Variants in GPC5 observed in about 807,000 individuals in gnomAD.
The protein encoded by GPC5 is glypican 5.
Under a neutral mutation model 53.9 loss-of-function variants are expected in GPC5, and 47 were observed. The observed-to-expected ratio is 0.87, with a 90% CI of 0.69 to 1.11. The LOEUF is 1.11. GPC5 is among the 50% of genes most tolerant of loss of function. GPC5 has a pLI of 0.00. For synonymous variants in GPC5, 286 were observed against 263.3 expected (o/e 1.09, Z -0.84); for missense variants, 748 against 713.1 (o/e 1.05, Z -0.56).
At chr13:92,285,923 C>CA (rs139576817) in intron 7 of GPC5, among the ~76,000 whole-genome samples, 8,122 of 150,414 alleles carry the variant, frequency 0.054, 701 homozygotes, top group African/African-American at 0.19. Flanking sequence ...TTCTGCACAG[C>CA]AAAAAAAAAC....
rs1002659557 is a variant in GPC5, at chr13:91,559,012, A to G, written c.325+110090A>G. ...GTGAACACTTACTGGTCAAATTACTATGAGGGTTTTTGTCTTCTGATTGGA... is the reference window on the plus strand; with the variant it reads ...GTGAACACTTACTGGTCAAATTACTGTGAGGGTTTTTGTCTTCTGATTGGA... On this transcript the variant is annotated intron_variant, in intron 2 of 7. Coordinates refer to ENST00000377067, the MANE Select transcript of GPC5 (RefSeq NM_004466.6). 2.6e-5 allele frequency among the ~76,000 whole-genome samples: 4 copies of G among 152,170 alleles called. No homozygotes were observed. The East Asian group carries it at 5.8e-4, about 22-fold the overall frequency.
intron 7 of GPC5, among the ~76,000 whole-genome samples, chr13:92,658,122 T>A (rs1337178792): frequency 1.3e-5 from 2 of 152,202 alleles, no homozygotes; most frequent in African/African-American, 4.8e-5. Flanking sequence ...TTCTTCTCTG[T>A]GTAGGCATTA....
intron 7 of GPC5, among the ~76,000 whole-genome samples, chr13:92,185,712 A>G (rs1340720604): frequency 1.3e-5 from 2 of 152,154 alleles, no homozygotes; most frequent in Non-Finnish European, 2.9e-5. Flanking sequence ...TTAACCCTAC[A>G]TTTTGAGATT....
chr13:92,290,164 T>C (rs1442014920), intron 7 of GPC5, among the ~76,000 whole-genome samples: 1 of 152,206 alleles, frequency 6.6e-6, no homozygotes, highest in Admixed American at 6.5e-5. Context: ...AATTGCTTTA[T>C]ATATGTGGGA....
intron 7 of GPC5, among the ~76,000 whole-genome samples, chr13:92,221,651 C>G (rs963133086): frequency 3.3e-5 from 5 of 152,070 alleles, no homozygotes; most frequent in South Asian, 2.1e-4. Flanking sequence ...CAAATGATAC[C>G]CCAGAATCAA....
intron 7 of GPC5, chr13:92,446,510 T>C (rs1193836060): frequency 1.3e-5 from 2 of 151,778 alleles, no homozygotes; most frequent in African/African-American, 4.8e-5. Context: ...AAGTACCACA[T>C]TTTCTTTATC....
At chr13:92,109,520 T>C (rs1044664010) in intron 6 of GPC5, among the ~76,000 whole-genome samples, 1 of 152,158 alleles carries the variant, frequency 6.6e-6, no homozygotes, top group Non-Finnish European at 1.5e-5. Flanking sequence ...AGTGACTATC[T>C]AAAATTCTTT....
intron 7 of GPC5, among the ~76,000 whole-genome samples, chr13:92,347,025 C>T (rs34289593): frequency 0.01 from 1,551 of 152,102 alleles, 27 homozygotes; most frequent in Middle Eastern, 0.048. Flanking sequence ...AAAAATGTAA[C>T]GAAATCCTAC....
chr13:92,444,707 C>A, intron 7 of GPC5, among the ~76,000 whole-genome samples: 1 of 103,002 alleles, frequency 9.7e-6, no homozygotes, highest in South Asian at 3.3e-4. Flanking sequence ...GAGTGGATTC[C>A]TGAAATCTAA....
intron 7 of GPC5, among the ~76,000 whole-genome samples, chr13:92,664,137 G>T (rs575258206): frequency 6.6e-6 from 1 of 151,904 alleles, no homozygotes; most frequent in Non-Finnish European, 1.5e-5. Flanking sequence ...TGTAGCTGTT[G>T]CTCTGGCAAC....
At chr13:91,676,406 C>A (rs548192847) in intron 2 of GPC5, among the ~76,000 whole-genome samples, 1 of 152,128 alleles carries the variant, frequency 6.6e-6, no homozygotes, top group Admixed American at 6.5e-5. Flanking sequence ...AATGCTAGGT[C>A]ATGTCTAGTA....
intron 7 of GPC5, among the ~76,000 whole-genome samples, chr13:92,381,910 ATATATAT>A (rs2043749061): frequency 7.8e-6 from 1 of 127,568 alleles, no homozygotes; most frequent in African/African-American, 3.3e-5. Flanking sequence ...CATATATATG[ATATATAT>A]AATCATATAT....
At chr13:92,330,500 A>G (rs2043281265) in intron 7 of GPC5, among the ~76,000 whole-genome samples, 1 of 152,170 alleles carries the variant, frequency 6.6e-6, no homozygotes, top group African/African-American at 2.4e-5. Flanking sequence ...CAGGTAATGT[A>G]TGTAGGTTCA....
At chr13:92,513,641 A>G (rs1880662037) in intron 7 of GPC5, among the ~76,000 whole-genome samples, 1 of 151,238 alleles carries the variant, frequency 6.6e-6, no homozygotes, top group Admixed American at 6.6e-5. Context: ...CAGGTTGAGT[A>G]TCTCTTATTT....
intron 2 of GPC5, among the ~76,000 whole-genome samples, chr13:91,630,835 G>GT (rs1248034131): frequency 3.4e-5 from 5 of 146,508 alleles, no homozygotes; most frequent in African/African-American, 7.3e-5. Flanking sequence ...TTTTTCTTTT[G>GT]TTTTTTTGTT....
At chr13:91,975,514 G>A (rs917089445) in intron 6 of GPC5, among the ~76,000 whole-genome samples, 11 of 152,138 alleles carry the variant, frequency 7.2e-5, no homozygotes, top group Non-Finnish European at 1.3e-4. Flanking sequence ...AAACACACAT[G>A]AAAAAATGCT....
rs36058737 is a variant in GPC5 at position 92,700,255 on chromosome 13, ATTTT to A, written c.1562-166010_1562-166007del. ...CAGAGACTGGGATTGCAACCCCTGC[ATTTT>A]TTTTTTTTTTTTTTTTGGCTTTCCA... On this transcript the variant is annotated intron_variant, in intron 7 of 7. Coordinates refer to ENST00000377067, the MANE Select transcript of GPC5 (RefSeq NM_004466.6). 3.9e-3 allele frequency among the ~76,000 whole-genome samples: 400 copies of A among 103,640 alleles called. 3 individuals carry two copies. The highest frequency in any genetic ancestry group is 0.014 in the African/African-American group (386 of 27,928). 68.0% of individuals were successfully genotyped at this position (103,640 alleles called of 152,430 possible). A position where few individuals can be genotyped will look rare whatever the true frequency, so the allele number is the denominator to read the frequency against.
intron 6 of GPC5, among the ~76,000 whole-genome samples, chr13:92,102,341 A>G (rs2041473929): frequency 6.6e-6 from 1 of 152,128 alleles, no homozygotes; most frequent in African/African-American, 2.4e-5. Flanking sequence ...ATTAGTGTGT[A>G]TTTTTCACTT....
intron 4 of GPC5, among the ~76,000 whole-genome samples, chr13:91,733,018 C>T (rs1379611998): frequency 5.3e-5 from 8 of 151,964 alleles, no homozygotes; most frequent in African/African-American, 1.9e-4. Flanking sequence ...CTTTTTGGTT[C>T]CATATGAAAT....
Sources: allele counts gnomAD v4.1 joint callset (sites outside exome capture counted in the v4.1 genomes callset), GRCh38; gene constraint gnomAD v4.1.1; transcripts MANE v1.5; gene names NCBI Gene and HGNC (gene_info 2026-07-23, HGNC 2026-07-21).